ZDHHC15: variants seen among roughly 807,000 people sequenced by gnomAD.
ZDHHC15 encodes the protein palmitoyltransferase ZDHHC15.
A neutral mutation model predicts 31.7 loss-of-function variants in ZDHHC15; 19 were observed. That is an observed-to-expected ratio of 0.60 (90% confidence interval 0.42 to 0.88). The LOEUF (loss-of-function observed/expected upper bound fraction) is 0.88. ZDHHC15 is among the 40% of genes least tolerant of loss of function. The probability of loss-of-function intolerance (pLI) is 0.00; values close to 1 mark genes in which losing one functional copy is unlikely to be tolerated. For synonymous variants in ZDHHC15, 103 were observed against 90.0 expected (o/e 1.14, Z -0.82); for missense variants, 209 against 251.2 (o/e 0.83, Z 1.14).
chrX:75,497,910 C>T (rs2085027813), intron 2 of ZDHHC15, among the ~76,000 whole-genome samples: 1 of 101,044 alleles, frequency 9.9e-6, no homozygotes. Context: ...CTCCTGAGAA[C>T]TGGAAAAAGA....
rs763283011 is a variant in ZDHHC15, at chrX:75,489,039, G to C, written c.164-10054C>G. ...CTGAGATCAAACTGCAAGGCGGCAG[G>C]GGGGAGGAGTGCCCGCCATTGCCTA... On this transcript the variant is annotated intron_variant, in intron 2 of 11. Coordinates refer to ENST00000373367, the MANE Select transcript of ZDHHC15 (RefSeq NM_144969.3). Among the ~76,000 whole-genome samples the C allele has an allele frequency of 3.6e-5, 4 of 111,643 alleles. 1 individual carries two copies. Among genetic ancestry groups the C allele is most frequent in the Admixed American group, 2.9e-4 (3 of 10,512 alleles).
chrX:75,467,221 C>T (rs899612424), intron 3 of ZDHHC15, among the ~76,000 whole-genome samples: 1 of 112,232 alleles, frequency 8.9e-6, no homozygotes. Flanking sequence ...TTCTTTTTAA[C>T]ATTATAATTA....
chrX:75,374,691 A>G (rs868073192), intron 11 of ZDHHC15, among the ~76,000 whole-genome samples: 7 of 100,149 alleles, frequency 7.0e-5, no homozygotes, highest in African/African-American at 2.8e-4. Flanking sequence ...GTGTGTGTAT[A>G]TATATATAAT....
chrX:75,454,469 A>C (rs919573422), intron 3 of ZDHHC15, among the ~76,000 whole-genome samples: 2 of 112,051 alleles, frequency 1.8e-5, no homozygotes, highest in East Asian at 5.6e-4. Flanking sequence ...TGGCTAGGTC[A>C]AATGGTATTT....
chrX:75,491,749 T>A (rs1260683215), intron 2 of ZDHHC15, among the ~76,000 whole-genome samples: 3 of 110,895 alleles, frequency 2.7e-5, no homozygotes, highest in Admixed American at 1.9e-4. Flanking sequence ...GCTGAGAGAT[T>A]TTGTCACCAC....
chrX:75,489,204 A>G (rs1457196064), intron 2 of ZDHHC15, among the ~76,000 whole-genome samples: 1 of 112,051 alleles, frequency 8.9e-6, no homozygotes, highest in African/African-American at 3.2e-5. Flanking sequence ...AATCCTCTGC[A>G]GACTTAAATG....
At chrX:75,446,769 G>T (rs2084039272) in intron 4 of ZDHHC15, among the ~76,000 whole-genome samples, 1 of 111,125 alleles carries the variant, frequency 9.0e-6, no homozygotes, top group South Asian at 3.8e-4. Flanking sequence ...GGTGAAAGGG[G>T]CAAAGCAGCT....
intron 3 of ZDHHC15, among the ~76,000 whole-genome samples, chrX:75,472,350 C>T (rs941707359): frequency 2.7e-5 from 3 of 111,979 alleles, no homozygotes; most frequent in Non-Finnish European, 3.8e-5. Context: ...GGAAGGACAG[C>T]GGTGTAAAGA....
At chrX:75,374,742 GA>G (rs2083040945) in intron 11 of ZDHHC15, among the ~76,000 whole-genome samples, 2 of 107,492 alleles carry the variant, frequency 1.9e-5, no homozygotes, top group Non-Finnish European at 3.8e-5. Context: ...TCAATAAAAA[GA>G]AATCAATTAT....
chrX:75,409,470 C>A (rs766419693), intron 10 of ZDHHC15, among the ~76,000 whole-genome samples: 11 of 67,407 alleles, frequency 1.6e-4, no homozygotes, highest in African/African-American at 6.3e-4. Context: ...CCCAGGCAAC[C>A]AAGGAAGTCC....
At chrX:75,393,015 G>T (rs1482067773) in intron 10 of ZDHHC15, among the ~76,000 whole-genome samples, 7 of 109,518 alleles carry the variant, frequency 6.4e-5, no homozygotes, top group African/African-American at 2.0e-4. Context: ...CCTGGATTGT[G>T]CTGTTGTAGT....
At chrX:75,418,259 C>A (rs921431648) in intron 9 of ZDHHC15, among the ~76,000 whole-genome samples, 1 of 111,730 alleles carries the variant, frequency 9.0e-6, no homozygotes, top group Admixed American at 9.6e-5. Context: ...AAAATACTAA[C>A]TGCTACACAG....
chrX:75,380,662 C>A (rs773458874), intron 10 of ZDHHC15, among the ~76,000 whole-genome samples: 2 of 110,833 alleles, frequency 1.8e-5, no homozygotes, highest in Non-Finnish European at 3.8e-5. Context: ...AAGGAAGATA[C>A]CTAAAAAAAA....
At chrX:75,456,556 C>T (rs1263081416) in intron 3 of ZDHHC15, among the ~76,000 whole-genome samples, 4 of 111,212 alleles carry the variant, frequency 3.6e-5, no homozygotes, top group African/African-American at 1.3e-4. Context: ...ACAACAGATG[C>T]TGTCAAGGAT....
intron 1 of ZDHHC15, among the ~76,000 whole-genome samples, chrX:75,518,408 C>G (rs980011996): frequency 1.8e-5 from 2 of 109,861 alleles, no homozygotes; most frequent in Non-Finnish European, 3.8e-5. Context: ...TATGGAAATA[C>G]AAATCAAATC....
chrX:75,382,982 T>G (rs2083132264), intron 10 of ZDHHC15, among the ~76,000 whole-genome samples: 1 of 111,955 alleles, frequency 8.9e-6, no homozygotes, highest in Admixed American at 9.5e-5. Flanking sequence ...ATCCATATTT[T>G]TACACCTTCT....
intron 2 of ZDHHC15, among the ~76,000 whole-genome samples, chrX:75,483,338 T>G (rs2084723086): frequency 9.1e-6 from 1 of 110,408 alleles, no homozygotes; most frequent in East Asian, 2.9e-4. Context: ...GGTTCACACA[T>G]GTAATCCCAG....
chrX:75,510,154 T>G (rs1485629217), intron 1 of ZDHHC15, among the ~76,000 whole-genome samples: 1 of 111,761 alleles, frequency 8.9e-6, no homozygotes, highest in African/African-American at 3.2e-5. Flanking sequence ...CTCTCAAACC[T>G]GGATGATCGT....
At chrX:75,499,582 C>G (rs1206398241) in intron 2 of ZDHHC15, among the ~76,000 whole-genome samples, 1 of 111,598 alleles carries the variant, frequency 9.0e-6, no homozygotes, top group East Asian at 2.8e-4. Context: ...GAGATACCAC[C>G]TTATTCCTGC....
Sources: allele counts gnomAD v4.1 joint callset (sites outside exome capture counted in the v4.1 genomes callset), GRCh38; gene constraint gnomAD v4.1.1; transcripts MANE v1.5; gene names NCBI Gene and HGNC (gene_info 2026-07-23, HGNC 2026-07-21).